The following NCKAP5 variants were observed in gnomAD, a reference collection of about 807,000 sequenced individuals.
The protein encoded by NCKAP5 is NCK associated protein 5.
NCKAP5 carries 92 observed loss-of-function variants against 167.0 expected under a neutral mutation model. That is an observed-to-expected ratio of 0.55 (90% CI 0.47 to 0.66). NCKAP5 has a LOEUF of 0.66. Ranked by LOEUF, NCKAP5 falls within the 30% of genes least tolerant of loss-of-function variation. The pLI is 0.00. For synonymous variants in NCKAP5, 891 were observed against 877.4 expected, an observed-to-expected ratio of 1.02 and a Z score of -0.27; for missense variants, 2,378 against 2,315.0, an observed-to-expected ratio of 1.03 and a Z score of -0.56.
At chr2:133,542,022 T>C (rs1328596536) in intron 2 of NCKAP5, among the ~76,000 whole-genome samples, 3 of 152,128 alleles carry the variant, frequency 2.0e-5, no homozygotes, top group African/African-American at 7.2e-5. Flanking sequence ...CAGGACTGAA[T>C]TCTCTCACAT....
intron 5 of NCKAP5, among the ~76,000 whole-genome samples, chr2:133,178,214 C>G (rs748971342): frequency 2.6e-5 from 4 of 152,106 alleles, no homozygotes; most frequent in Non-Finnish European, 5.9e-5. Context: ...AAATAAGAAC[C>G]AGGGCTGGGA....
chr2:133,622,578 A>G, the NCKAP5 span, among the ~76,000 whole-genome samples: 2 of 151,898 alleles, frequency 1.3e-5, no homozygotes, highest in African/African-American at 4.8e-5. Flanking sequence ...AAAACAAAAA[A>G]AACAAGGAAT....
At chr2:133,584,941 A>AGAAGGAAGGAAGGAAG in the NCKAP5 span, among the ~76,000 whole-genome samples, 6,832 of 113,774 alleles carry the variant, frequency 0.06, 362 homozygotes, top group Non-Finnish European at 0.08. Context: ...AAAAAAAGAA[A>AGAAGGAAGGAAGGAAG]GAAGGAAGGA....
intron 6 of NCKAP5, among the ~76,000 whole-genome samples, chr2:133,064,350 A>T (rs562113715): frequency 2.0e-5 from 3 of 152,356 alleles, no homozygotes; most frequent in South Asian, 4.1e-4. Flanking sequence ...TGTTTGTTTC[A>T]TTATGGTTTG....
At chr2:132,674,312 G>A (rs1314097887) in intron 19 of NCKAP5, among the ~76,000 whole-genome samples, 2 of 152,056 alleles carry the variant, frequency 1.3e-5, no homozygotes, top group Admixed American at 6.5e-5. Context: ...CAAGGTAAAC[G>A]ACCCCATTTT....
chr2:133,644,101 ATAGT>A, the NCKAP5 span, among the ~76,000 whole-genome samples: 3 of 152,264 alleles, frequency 2.0e-5, no homozygotes, highest in East Asian at 5.8e-4. Flanking sequence ...AGGCACCCAG[ATAGT>A]TAGTTATGCA....
chr2:133,080,665 T>G lies in NCKAP5; in HGVS notation c.341+49313A>C, dbSNP rs559603592. ...ACTTCTTAAAAAATGAAACTAACACTACACCATAATAAATCAGCTAACAAG... is the reference window on the plus strand; with the variant it reads ...ACTTCTTAAAAAATGAAACTAACACGACACCATAATAAATCAGCTAACAAG... On this transcript the variant is annotated intron_variant, in intron 6 of 19. Coordinates refer to ENST00000409261, the MANE Select transcript of NCKAP5 (RefSeq NM_207363.3). Among the ~76,000 whole-genome samples, 228 of 152,256 alleles carry G rather than the reference T, an allele frequency of 1.5e-3. 2 individuals carry two copies. Among genetic ancestry groups the G allele is most frequent in the African/African-American group, 5.0e-3 (208 of 41,558 alleles).
chr2:132,920,723 A>ATATATG (rs1695286738), intron 8 of NCKAP5, among the ~76,000 whole-genome samples: 1 of 116,456 alleles, frequency 8.6e-6, no homozygotes, highest in Non-Finnish European at 1.6e-5. Flanking sequence ...ATATATGTAT[A>ATATATG]TATATATATG....
chr2:132,841,248 AC>A (rs1486320244), intron 11 of NCKAP5, among the ~76,000 whole-genome samples: 2 of 152,148 alleles, frequency 1.3e-5, no homozygotes, highest in Non-Finnish European at 2.9e-5. Context: ...TGTGAGTTTT[AC>A]CATGTGGCTA....
At chr2:133,613,992 G>A in the NCKAP5 span, among the ~76,000 whole-genome samples, 1 of 152,148 alleles carries the variant, frequency 6.6e-6, no homozygotes. Flanking sequence ...ATGGCAGATA[G>A]CAGGCAGGAC....
intron 2 of NCKAP5, among the ~76,000 whole-genome samples, chr2:133,546,657 G>A (rs1223153731): frequency 2.6e-5 from 4 of 151,670 alleles, no homozygotes; most frequent in South Asian, 2.1e-4. Context: ...GCACCAGCAG[G>A]CAAAAACAAA....
chr2:133,181,303 T>A (rs560278914), intron 5 of NCKAP5, among the ~76,000 whole-genome samples: 67 of 151,838 alleles, frequency 4.4e-4, no homozygotes, highest in African/African-American at 1.6e-3. Flanking sequence ...ACTTAAAGGA[T>A]CCACTAGAAA....
At chr2:133,193,507 T>C (rs1443792050) in intron 5 of NCKAP5, among the ~76,000 whole-genome samples, 1 of 152,126 alleles carries the variant, frequency 6.6e-6, no homozygotes, top group Non-Finnish European at 1.5e-5. Context: ...GAGAAATTAT[T>C]AACTTTTGCA....
rs73956073 is a variant in NCKAP5, at chr2:132,879,398, A to G, written c.580-482T>C. On this transcript the variant is annotated intron_variant, in intron 8 of 19. Coordinates refer to ENST00000409261, the MANE Select transcript of NCKAP5 (RefSeq NM_207363.3). ...CATTGTTAGTCAATGACTTACGTACATAAGATAATGAGAAATGTAAGACTT... is the reference window on the plus strand; with the variant it reads ...CATTGTTAGTCAATGACTTACGTACGTAAGATAATGAGAAATGTAAGACTT... Among the ~76,000 whole-genome samples, 1,436 of 152,354 alleles carry G rather than the reference A, an allele frequency of 9.4e-3. 19 individuals are homozygous for G. Among genetic ancestry groups the G allele is most frequent in the African/African-American group, 0.033 (1,352 of 41,580 alleles).
chr2:133,532,784 C>T (rs1005773529), intron 2 of NCKAP5, among the ~76,000 whole-genome samples: 1 of 152,124 alleles, frequency 6.6e-6, no homozygotes, highest in Non-Finnish European at 1.5e-5. Context: ...TTTAATACCA[C>T]AGATTTACCG....
intron 6 of NCKAP5, among the ~76,000 whole-genome samples, chr2:133,046,039 G>C (rs145223360): frequency 3.3e-5 from 5 of 152,176 alleles, no homozygotes; most frequent in African/African-American, 1.2e-4. Flanking sequence ...TCTCAGGCTG[G>C]ACGGAGCAGG....
chr2:132,912,307 T>C (rs1032016659), intron 8 of NCKAP5, among the ~76,000 whole-genome samples: 1 of 152,168 alleles, frequency 6.6e-6, no homozygotes, highest in African/African-American at 2.4e-5. Context: ...TGGTACATAA[T>C]ACCATTTTAT....
chr2:132,873,097 T>A (rs779060085), intron 9 of NCKAP5, among the ~76,000 whole-genome samples: 2 of 151,822 alleles, frequency 1.3e-5, no homozygotes, highest in Non-Finnish European at 2.9e-5. Context: ...TAAGAAAAAA[T>A]TATTTTATTT....
At chr2:133,048,385 C>T (rs1015525111) in intron 6 of NCKAP5, among the ~76,000 whole-genome samples, 2 of 152,144 alleles carry the variant, frequency 1.3e-5, no homozygotes, top group Non-Finnish European at 2.9e-5. Flanking sequence ...TTCATAGTAT[C>T]CAAAAGGCTG....
Sources: allele counts gnomAD v4.1 joint callset (sites outside exome capture counted in the v4.1 genomes callset), GRCh38; gene constraint gnomAD v4.1.1; transcripts MANE v1.5; gene names NCBI Gene and HGNC (gene_info 2026-07-23, HGNC 2026-07-21).